The following RBFOX1 variants were observed in gnomAD, a reference collection of about 807,000 sequenced individuals.
RBFOX1 encodes the protein RNA binding fox-1 homolog 1.
RBFOX1 carries 8 observed loss-of-function variants against 57.7 expected under a neutral mutation model. The ratio of observed to expected loss-of-function variants is 0.14; its 90% CI spans 0.08 to 0.25. RBFOX1 has a LOEUF of 0.25. Among genes scored for constraint, RBFOX1 ranks in the 10% least tolerant of loss-of-function variants. The pLI is 1.00. For synonymous variants in RBFOX1, 326 were observed against 222.4 expected (o/e 1.47, Z -4.15); for missense variants, 611 against 548.5 (o/e 1.11, Z -1.14).
intron 2 of RBFOX1, among the ~76,000 whole-genome samples, chr16:6,488,772 T>C (rs1006139489): frequency 6.6e-6 from 1 of 152,130 alleles, no homozygotes; most frequent in African/African-American, 2.4e-5. Context: ...TGAAGACAGT[T>C]TTTGTGTCTT....
intron 2 of RBFOX1, among the ~76,000 whole-genome samples, chr16:5,551,000 ACT>A (rs2045440564): frequency 6.6e-6 from 1 of 152,090 alleles, no homozygotes; most frequent in South Asian, 2.1e-4. Context: ...CTGGCCCATA[ACT>A]CTCTGTAATA....
chr16:5,823,162 C>G (rs2055915012), intron 3 of RBFOX1, among the ~76,000 whole-genome samples: 1 of 152,152 alleles, frequency 6.6e-6, no homozygotes, highest in African/African-American at 2.4e-5. Context: ...CTGTGAGAGT[C>G]CTGGGCACAT....
At chr16:7,453,726 C>G (rs1165172533) in intron 4 of RBFOX1, among the ~76,000 whole-genome samples, 1 of 152,136 alleles carries the variant, frequency 6.6e-6, no homozygotes, top group Non-Finnish European at 1.5e-5. Context: ...TGCCTCTGAG[C>G]AATGCACAGA....
chr16:6,006,714 G>C (rs754659699), intron 4 of RBFOX1, among the ~76,000 whole-genome samples: 2 of 152,160 alleles, frequency 1.3e-5, no homozygotes, highest in East Asian at 1.9e-4. Flanking sequence ...TTAAAATATT[G>C]GTCTTGGATA....
At chr16:7,619,130 G>A (rs904053444) in intron 10 of RBFOX1, among the ~76,000 whole-genome samples, 1 of 152,058 alleles carries the variant, frequency 6.6e-6, no homozygotes, top group African/African-American at 2.4e-5. Context: ...TAAATCTGAT[G>A]CAAAGGTTAA....
At chr16:5,644,262 A>G (rs911606270) in intron 3 of RBFOX1, among the ~76,000 whole-genome samples, 1 of 152,218 alleles carries the variant, frequency 6.6e-6, no homozygotes, top group African/African-American at 2.4e-5. Flanking sequence ...AAGGCTGTAT[A>G]TGAAGGACAA....
At chr16:6,530,831 C>G (rs113574932) in intron 2 of RBFOX1, among the ~76,000 whole-genome samples, 2 of 151,892 alleles carry the variant, frequency 1.3e-5, no homozygotes. Context: ...GATTCAATTA[C>G]CTTCCACCGG....
intron 4 of RBFOX1, among the ~76,000 whole-genome samples, chr16:7,363,707 C>G (rs1479606312): frequency 2.6e-5 from 4 of 152,064 alleles, no homozygotes; most frequent in Admixed American, 1.3e-4. Context: ...GAGGACAAAA[C>G]CTTTTTGCTT....
chr16:6,550,569 A>C lies in RBFOX1; in HGVS notation c.-63-104034A>C, dbSNP rs551619954. The stretch of plus-strand genomic sequence containing the variant: ...TTGGACTCCTGACCTCAAGTGATGC[A>C]CCTGCCTCAGCCTCCCAAAGTGCTG... On this transcript the variant is annotated intron_variant, in intron 2 of 15. Transcript: ENST00000550418. Among the ~76,000 whole-genome samples, 9 of 151,910 alleles carry C rather than the reference A, an allele frequency of 5.9e-5. No individual in the cohort carries two copies. In the East Asian group the frequency reaches 1.8e-3, roughly 30 times the overall value.
exon 2 of RBFOX1, chr16:5,467,228 C>G (rs1479662066): frequency 2.1e-5 from 31 of 1,499,128 alleles, no homozygotes; most frequent in Non-Finnish European, 2.5e-5. Context: ...TCTACTGTGC[C>G]TGCCATACAG....
chr16:7,059,539 A>G (rs749944830), intron 4 of RBFOX1, among the ~76,000 whole-genome samples: 5 of 152,176 alleles, frequency 3.3e-5, no homozygotes, highest in Non-Finnish European at 7.3e-5. Flanking sequence ...ATCATTGACA[A>G]CCATTGGCAA....
chr16:5,690,215 C>T (rs927300284), intron 3 of RBFOX1, among the ~76,000 whole-genome samples: 1 of 152,232 alleles, frequency 6.6e-6, no homozygotes, highest in Non-Finnish European at 1.5e-5. Flanking sequence ...ACATTGAAGA[C>T]AGTCATCCAT....
At chr16:6,929,887 C>G (rs932271851) in intron 3 of RBFOX1, among the ~76,000 whole-genome samples, 2 of 152,042 alleles carry the variant, frequency 1.3e-5, no homozygotes, top group Non-Finnish European at 2.9e-5. Flanking sequence ...CTGCTTTAGC[C>G]CTTATGGAGG....
chr16:6,888,499 C>T lies in RBFOX1; in HGVS notation c.-15-163558C>T, dbSNP rs1019634069. Among the ~76,000 whole-genome samples, 3 of 152,108 alleles carry T rather than the reference C, an allele frequency of 2.0e-5. No individual in the cohort carries two copies. The East Asian group carries it at 5.8e-4, about 29-fold the overall frequency. On this transcript the variant is annotated intron_variant, in intron 3 of 15. Transcript: ENST00000550418. Reference sequence around the variant, plus strand: ...TTCAGGGGGAAATTAAATTCCCTTGCAATTGCACTCTCTGTCTACCGAGAA... The same window carrying T: ...TTCAGGGGGAAATTAAATTCCCTTGTAATTGCACTCTCTGTCTACCGAGAA...
intron 3 of RBFOX1, among the ~76,000 whole-genome samples, chr16:6,734,548 T>C (rs1202239310): frequency 2.7e-5 from 4 of 149,080 alleles, no homozygotes; most frequent in African/African-American, 4.9e-5. Context: ...ATGGCCCAAC[T>C]AGGAGTTCAG....
chr16:7,559,031 G>T (rs932953119), intron 5 of RBFOX1, among the ~76,000 whole-genome samples: 3 of 152,242 alleles, frequency 2.0e-5, no homozygotes, highest in African/African-American at 7.2e-5. Context: ...AAGAGTGCCT[G>T]GTCTCTGTTA....
At chr16:6,239,691 G>T (rs1022056990) in intron 1 of RBFOX1, among the ~76,000 whole-genome samples, 2 of 151,750 alleles carry the variant, frequency 1.3e-5, no homozygotes, top group African/African-American at 4.8e-5. Context: ...AGAGACGGGG[G>T]TTTCACCATG....
chr16:5,382,383 C>A (rs936734958), intron 1 of RBFOX1, among the ~76,000 whole-genome samples: 2 of 131,252 alleles, frequency 1.5e-5, no homozygotes, highest in African/African-American at 5.9e-5. Context: ...GAAATCATGC[C>A]ATTTTCATCT....
In RBFOX1 at chr16:5,266,732, T is replaced by G. The variant is rs1270432818; in HGVS notation, c.219+26627T>G. 2.6e-5 allele frequency among the ~76,000 whole-genome samples: 4 copies of G among 151,834 alleles called. No individual in the cohort carries two copies. In the East Asian group the frequency reaches 7.8e-4, roughly 30 times the overall value. Reference sequence around the variant, plus strand: ...CTTGCCTAATTTTTGTATTTATTTATTTTTTGCAGAGAGGGGGGGTCTCAC... The same window carrying G: ...CTTGCCTAATTTTTGTATTTATTTAGTTTTTGCAGAGAGGGGGGGTCTCAC... On this transcript the variant is annotated intron_variant, in intron 1 of 2. Coordinates refer to the RBFOX1 transcript ENST00000585867.
Sources: allele counts gnomAD v4.1 joint callset (sites outside exome capture counted in the v4.1 genomes callset), GRCh38; gene constraint gnomAD v4.1.1; transcripts MANE v1.5; gene names NCBI Gene and HGNC (gene_info 2026-07-23, HGNC 2026-07-21).